The following IQCM variants were observed in gnomAD, a reference collection of about 807,000 sequenced individuals.
The protein encoded by IQCM is IQ domain-containing protein M.
IQCM carries 45 observed loss-of-function variants against 57.6 expected under a neutral mutation model. The observed-to-expected ratio is 0.78, with a 90% CI of 0.62 to 1.00. IQCM has a LOEUF of 1.00. Among genes scored for constraint, IQCM ranks in the 50% least tolerant of loss-of-function variants. IQCM has a pLI of 0.00. For synonymous variants in IQCM, 148 were observed against 158.9 expected (o/e 0.93, Z 0.51); for missense variants, 468 against 511.6 (o/e 0.91, Z 0.82).
At chr4:149,624,591 GGGAAAGAAAAGGGAA>G (rs1756636914) in intron 7 of IQCM, among the ~76,000 whole-genome samples, 1 of 152,016 alleles carries the variant, frequency 6.6e-6, no homozygotes, top group Admixed American at 6.6e-5. Flanking sequence ...TGAGAAACAA[GGGAAAGAAAAGGGAA>G]GGAAAGAAAA....
At chr4:149,573,573 C>T (rs1347760036) in intron 9 of IQCM, among the ~76,000 whole-genome samples, 1 of 151,732 alleles carries the variant, frequency 6.6e-6, no homozygotes, top group African/African-American at 2.4e-5. Context: ...TTAATATCAG[C>T]AGTAGTGGTA....
At chr4:149,744,800 G>C (rs1328794499) in intron 2 of IQCM, among the ~76,000 whole-genome samples, 1 of 151,998 alleles carries the variant, frequency 6.6e-6, no homozygotes, top group Non-Finnish European at 1.5e-5. Context: ...TAGTGCCTGA[G>C]CTGTGCAAAG....
chr4:149,651,407 G>T (rs1474461861), intron 7 of IQCM, among the ~76,000 whole-genome samples: 2 of 152,118 alleles, frequency 1.3e-5, no homozygotes, highest in African/African-American at 4.8e-5. Context: ...GCCCTTCAGT[G>T]TGGAAATAAC....
At position 149,423,075 on chromosome 4, in the gene IQCM, G is replaced by A. The variant is rs115719706; in HGVS notation, c.1390+10321C>T. 3.1e-3 allele frequency among the ~76,000 whole-genome samples: 467 copies of A among 152,100 alleles called. 3 individuals are homozygous for A. Among genetic ancestry groups the A allele is most frequent in the Middle Eastern group, 0.01 (3 of 294 alleles). ...TAATTATCATTATTTTAGAAGGGCT[G>A]GTTATGCCAACTTGGAATGTCTCTG... On this transcript the variant is annotated intron_variant, in intron 13 of 13. Coordinates refer to ENST00000636793, the MANE Select transcript of IQCM (RefSeq NM_001363507.2).
At chr4:149,479,908 A>T (rs1740595577) in intron 12 of IQCM, among the ~76,000 whole-genome samples, 1 of 152,190 alleles carries the variant, frequency 6.6e-6, no homozygotes, top group Non-Finnish European at 1.5e-5. Flanking sequence ...ATATGCCCAG[A>T]CCTTTAGTAG....
At chr4:149,496,784 A>G (rs1742701393) in intron 12 of IQCM, among the ~76,000 whole-genome samples, 1 of 152,164 alleles carries the variant, frequency 6.6e-6, no homozygotes, top group African/African-American at 2.4e-5. Context: ...TTGTAAGCTC[A>G]CTAATTTGCT....
At chr4:149,563,373 A>G (rs1161246483) in intron 10 of IQCM, among the ~76,000 whole-genome samples, 2 of 152,196 alleles carry the variant, frequency 1.3e-5, no homozygotes, top group Non-Finnish European at 2.9e-5. Context: ...AACTTTGCAC[A>G]GCCTAAAAAC....
At chr4:149,422,464 G>A (rs1008924239) in intron 13 of IQCM, among the ~76,000 whole-genome samples, 1 of 151,478 alleles carries the variant, frequency 6.6e-6, no homozygotes, top group Non-Finnish European at 1.5e-5. Context: ...ATATACAAAG[G>A]GCAAAACCAA....
chr4:149,616,490 A>C (rs1755800228), intron 8 of IQCM, among the ~76,000 whole-genome samples: 1 of 152,168 alleles, frequency 6.6e-6, no homozygotes, highest in African/African-American at 2.4e-5. Flanking sequence ...GGAAGATAAA[A>C]AAGCTCTGGA....
chr4:149,754,995 G>A (rs930797202), intron 2 of IQCM, among the ~76,000 whole-genome samples: 3 of 152,108 alleles, frequency 2.0e-5, no homozygotes. Context: ...CAGTTACTGA[G>A]GCCAGACAAT....
intron 7 of IQCM, among the ~76,000 whole-genome samples, chr4:149,654,266 C>G (rs968457233): frequency 2.0e-5 from 3 of 152,092 alleles, no homozygotes; most frequent in Admixed American, 2.0e-4. Flanking sequence ...GTGTCCCCAC[C>G]AAATCTTATG....
At chr4:149,449,971 A>G (rs1579095961) in intron 12 of IQCM, among the ~76,000 whole-genome samples, 1 of 151,914 alleles carries the variant, frequency 6.6e-6, no homozygotes. Context: ...CTACACAGCT[A>G]TGGTAACCAA....
chr4:149,561,092 G>A (rs1268538017), intron 10 of IQCM, among the ~76,000 whole-genome samples: 1 of 151,818 alleles, frequency 6.6e-6, no homozygotes, highest in Non-Finnish European at 1.5e-5. Flanking sequence ...TGCCAATGAT[G>A]GAATAAAAAA....
At chr4:149,684,127 G>A (rs962866830) in intron 6 of IQCM, among the ~76,000 whole-genome samples, 2 of 151,230 alleles carry the variant, frequency 1.3e-5, no homozygotes, top group African/African-American at 4.8e-5. Flanking sequence ...TTAAAATTTA[G>A]GATGAACCCA....
At chr4:149,807,213 CA>C (rs1191582438) in intron 2 of IQCM, among the ~76,000 whole-genome samples, 1 of 151,528 alleles carries the variant, frequency 6.6e-6, no homozygotes, top group East Asian at 1.9e-4. Context: ...CAATCCTAAG[CA>C]AAAAAAGCAA....
At chr4:149,636,757 G>A (rs555806351) in intron 7 of IQCM, among the ~76,000 whole-genome samples, 3 of 152,148 alleles carry the variant, frequency 2.0e-5, no homozygotes, top group African/African-American at 4.8e-5. Flanking sequence ...ACAAAATTGG[G>A]GAGCAGGGAG....
chr4:149,596,137 GAGA>G (rs1414276067), intron 8 of IQCM, among the ~76,000 whole-genome samples: 3 of 152,136 alleles, frequency 2.0e-5, no homozygotes, highest in Admixed American at 1.3e-4. Flanking sequence ...ACAGGCTGAA[GAGA>G]AGGAGGGAAA....
chr4:149,536,319 G>A (rs959451020), intron 12 of IQCM, among the ~76,000 whole-genome samples: 2 of 152,016 alleles, frequency 1.3e-5, no homozygotes, highest in African/African-American at 4.8e-5. Flanking sequence ...ACGTATTTTA[G>A]TCAGCAGTTT....
At chr4:149,806,928 T>C (rs980712602) in intron 2 of IQCM, among the ~76,000 whole-genome samples, 1 of 151,610 alleles carries the variant, frequency 6.6e-6, no homozygotes, top group Non-Finnish European at 1.5e-5. Context: ...TTACAATAGC[T>C]ACAAAACAGG....
Sources: allele counts gnomAD v4.1 joint callset (sites outside exome capture counted in the v4.1 genomes callset), GRCh38; gene constraint gnomAD v4.1.1; transcripts MANE v1.5; gene names NCBI Gene and HGNC (gene_info 2026-07-23, HGNC 2026-07-21).